Variants in TNS1 observed in about 807,000 individuals in gnomAD.
The protein encoded by TNS1 is tensin-1.
TNS1 carries 62 observed loss-of-function variants against 168.6 expected under a neutral mutation model. The observed-to-expected ratio is 0.37, with a 90% CI of 0.30 to 0.45. The LOEUF is 0.45. Ranked by LOEUF, TNS1 falls within the 20% of genes least tolerant of loss-of-function variation. The probability of loss-of-function intolerance (pLI) is 1.00; values close to 1 mark genes in which losing one functional copy is unlikely to be tolerated. For missense variants in TNS1, 2,240 were observed against 2,339.4 expected, an observed-to-expected ratio of 0.96 and a Z score of 0.88; for synonymous variants, 934 against 933.2, an observed-to-expected ratio of 1.00 and a Z score of -0.02.
chr2:217,849,595 A>G, intron 18 of TNS1: 1 of 959,562 alleles, frequency 1.0e-6, no homozygotes, highest in Non-Finnish European at 1.2e-6. Flanking sequence ...AACCATCACC[A>G]TTATGAGTAT....
intron 10 of TNS1, among the ~76,000 whole-genome samples, 179 bp downstream of exon 10, chr2:217,893,260 C>T (rs1197633349): frequency 6.6e-6 from 1 of 152,212 alleles, no homozygotes; most frequent in African/African-American, 2.4e-5. Flanking sequence ...AGAAGTGCCG[C>T]CCAAGACAGA....
At chr2:217,912,516 C>A (rs1388722458) in intron 4 of TNS1, among the ~76,000 whole-genome samples, 2 of 152,226 alleles carry the variant, frequency 1.3e-5, no homozygotes, top group African/African-American at 4.8e-5. Context: ...GTCACCATCG[C>A]ACTGCCTATC....
rs1937550400 is a variant in TNS1, at chr2:217,802,008, A to C, written c.*2451T>G. 1 of 152,190 alleles carries C rather than the reference A, an allele frequency of 6.6e-6. No homozygotes were observed. The highest frequency in any genetic ancestry group is 2.4e-5 in the African/African-American group (1 of 41,390). 9.4% of individuals were successfully genotyped at this position (152,190 alleles called of 1,614,324 possible). A position where few individuals can be genotyped will look rare whatever the true frequency, so the allele number is the denominator to read the frequency against. On this transcript the variant is annotated 3_prime_UTR_variant, in exon 33 of 33. Coordinates refer to ENST00000682258, the MANE Select transcript of TNS1 (RefSeq NM_001387777.1). ...AAGCGACCGTGAAAGCTGACCCCAG[A>C]CTCAGTCCTGGGCCCCAGCCAGGCT...
At chr2:217,980,427 A>C (rs1958013890) in intron 2 of TNS1, among the ~76,000 whole-genome samples, 1 of 151,738 alleles carries the variant, frequency 6.6e-6, no homozygotes, top group South Asian at 2.1e-4. Context: ...ATCCAAATAG[A>C]GGAAACGTCC....
chr2:217,977,116 G>A (rs1481814642), intron 3 of TNS1, among the ~76,000 whole-genome samples: 1 of 152,218 alleles, frequency 6.6e-6, no homozygotes, highest in Admixed American at 6.5e-5. Flanking sequence ...CTGTACAAAT[G>A]TCCATTGCTA....
chr2:217,843,305 G>A (rs1436243305), intron 19 of TNS1, among the ~76,000 whole-genome samples: 1 of 151,960 alleles, frequency 6.6e-6, no homozygotes, highest in East Asian at 1.9e-4. Context: ...TACCTCCTTA[G>A]AGACCTTATT....
In TNS1 at chr2:217,836,219, G is replaced by A. The variant is rs2125326842; in HGVS notation, c.3008-8C>T. 1.2e-6 allele frequency: 2 copies of A among 1,605,758 alleles called. No homozygotes were observed. Among genetic ancestry groups the A allele is most frequent in the Non-Finnish European group, 1.7e-6 (2 of 1,174,766 alleles). ...TCTCCCGAGCCTGTACCCCTGGGAGGAAAGCAGGGTGTAGAGGACAATGAG... is the reference window on the plus strand; with the variant it reads ...TCTCCCGAGCCTGTACCCCTGGGAGAAAAGCAGGGTGTAGAGGACAATGAG... On this transcript the variant is annotated splice_polypyrimidine_tract_variant and splice_region_variant and intron_variant, in intron 19 of 32. Coordinates refer to ENST00000682258, the MANE Select transcript of TNS1 (RefSeq NM_001387777.1).
At chr2:217,953,872 G>T (rs1415943454) in intron 3 of TNS1, among the ~76,000 whole-genome samples, 1 of 152,270 alleles carries the variant, frequency 6.6e-6, no homozygotes, top group Non-Finnish European at 1.5e-5. Flanking sequence ...CAGGTGTGAG[G>T]AGCTGAGTGA....
chr2:218,003,557 G>A (rs1958610304), upstream of TNS1, among the ~76,000 whole-genome samples: 1 of 152,014 alleles, frequency 6.6e-6, no homozygotes, highest in Admixed American at 6.5e-5. Context: ...GAAGAAATAG[G>A]GCCCGAGACT....
chr2:217,921,478 C>T (rs1955697668), intron 3 of TNS1, among the ~76,000 whole-genome samples: 1 of 152,206 alleles, frequency 6.6e-6, no homozygotes, highest in Non-Finnish European at 1.5e-5. Flanking sequence ...TGACCGCATG[C>T]TGTCATCCCA....
chr2:217,895,109 C>A, intron 8 of TNS1, 53 bp from the exon 9 acceptor site: 1 of 1,542,676 alleles, frequency 6.5e-7, no homozygotes, highest in Non-Finnish European at 8.8e-7. Flanking sequence ...AGGAGGGCGG[C>A]GAGGAGAGAG....
At chr2:217,822,218 T>C (rs775441259) in intron 22 of TNS1, among the ~76,000 whole-genome samples, 2 of 152,138 alleles carry the variant, frequency 1.3e-5, no homozygotes, top group Non-Finnish European at 2.9e-5. Flanking sequence ...ACTAGGAGGC[T>C]GTCCATAGCT....
At position 218,022,683 on chromosome 2, in the gene TNS1, C is replaced by T. The variant is rs559538332; in HGVS notation, c.156+11137G>A. Reference sequence around the variant, plus strand: ...GAGGGGCAGAGGGGAGCCCCCAGAGCGAGAAATACCCAGTCAGTGGCTCTG... The same window carrying T: ...GAGGGGCAGAGGGGAGCCCCCAGAGTGAGAAATACCCAGTCAGTGGCTCTG... On this transcript the variant is annotated intron_variant, in intron 1 of 1. Transcript: ENST00000649572. Among the ~76,000 whole-genome samples, 84 of 150,748 alleles carry T rather than the reference C, an allele frequency of 5.6e-4. 1 individual carries two copies. In the South Asian group the frequency reaches 0.017, roughly 30 times the overall value.
chr2:217,888,958 A>T (rs1951486621), intron 12 of TNS1, among the ~76,000 whole-genome samples: 1 of 152,006 alleles, frequency 6.6e-6, no homozygotes, highest in Admixed American at 6.6e-5. Flanking sequence ...CTCTCTACCC[A>T]TTCTCTCCAA....
chr2:217,865,744 T>C (rs1254565068), intron 18 of TNS1, among the ~76,000 whole-genome samples: 1 of 152,190 alleles, frequency 6.6e-6, no homozygotes, highest in East Asian at 1.9e-4. Context: ...TCCAGTATTC[T>C]GGAGCCAGGA....
chr2:217,842,476 T>C lies in TNS1; in HGVS notation c.3007+5034A>G, dbSNP rs188678411. Among the ~76,000 whole-genome samples, 7 of 152,294 alleles carry C rather than the reference T, an allele frequency of 4.6e-5. No homozygotes were observed. The East Asian group carries it at 1.4e-3, about 29-fold the overall frequency. ...TTCTCTTTCTCTCTCATTCCATGTG[T>C]AATCTATCAGTAATCTTGTTGGCTC... On this transcript the variant is annotated intron_variant, in intron 19 of 32. Transcript: ENST00000682258.
exon 1 of TNS1, chr2:218,010,223 C>T (rs1414045074): frequency 5.0e-6 from 2 of 398,686 alleles, no homozygotes; most frequent in Non-Finnish European, 8.8e-6. Flanking sequence ...GCGCCTGGGG[C>T]GCGAGGGTCG....
upstream of TNS1, among the ~76,000 whole-genome samples, chr2:218,012,480 G>A (rs1051168468): frequency 1.3e-5 from 2 of 152,138 alleles, no homozygotes; most frequent in Non-Finnish European, 2.9e-5. Context: ...ACTGAGCTCA[G>A]CAGGGCAGAG....
intron 18 of TNS1, chr2:217,858,523 C>G: frequency 1.0e-6 from 1 of 986,170 alleles, no homozygotes; most frequent in Non-Finnish European, 1.2e-6. Context: ...AGGGAGGAAG[C>G]GGAGGGAAGC....
Sources: allele counts gnomAD v4.1 joint callset (sites outside exome capture counted in the v4.1 genomes callset), GRCh38; gene constraint gnomAD v4.1.1; transcripts MANE v1.5; gene names NCBI Gene and HGNC (gene_info 2026-07-23, HGNC 2026-07-21).